DLGAP1: variants seen among roughly 807,000 people sequenced by gnomAD.
The protein encoded by DLGAP1 is disks large-associated protein 1.
Under a neutral mutation model 90.8 loss-of-function variants are expected in DLGAP1, and 11 were observed. The observed-to-expected ratio is 0.12, with a 90% CI of 0.08 to 0.20. The LOEUF (loss-of-function observed/expected upper bound fraction) is 0.20, where lower values mean the gene tolerates loss of function less well. DLGAP1 is among the 10% of genes least tolerant of loss of function. The probability of loss-of-function intolerance (pLI) is 1.00; values close to 1 mark genes in which losing one functional copy is unlikely to be tolerated. For synonymous variants in DLGAP1, 558 were observed against 540.7 expected, an observed-to-expected ratio of 1.03 and a Z score of -0.44; for missense variants, 1,050 against 1,333.8, an observed-to-expected ratio of 0.79 and a Z score of 3.31.
chr18:4,356,318 C>A (rs1362018541), intron 1 of DLGAP1, among the ~76,000 whole-genome samples: 2 of 152,080 alleles, frequency 1.3e-5, no homozygotes, highest in African/African-American at 2.4e-5. Flanking sequence ...TACCTCTAGT[C>A]CAGTCTCTTC....
At chr18:3,839,901 C>T (rs985838707) in intron 4 of DLGAP1, among the ~76,000 whole-genome samples, 4 of 152,256 alleles carry the variant, frequency 2.6e-5, no homozygotes, top group Non-Finnish European at 5.9e-5. Flanking sequence ...ATTCCGCCAT[C>T]TGCTCAGACA....
At chr18:4,177,354 ACAC>A (rs2077126656) in intron 1 of DLGAP1, among the ~76,000 whole-genome samples, 2 of 25,394 alleles carry the variant, frequency 7.9e-5, no homozygotes, top group African/African-American at 6.2e-4. Context: ...TTCTTTGAAC[ACAC>A]ACACACACAC....
intron 2 of DLGAP1, among the ~76,000 whole-genome samples, chr18:4,071,990 A>C (rs1887037079): frequency 6.6e-6 from 1 of 152,190 alleles, no homozygotes; most frequent in South Asian, 2.1e-4. Flanking sequence ...AATATAATGA[A>C]TGTGCTCATA....
At chr18:3,920,917 T>C (rs2072256041) in intron 3 of DLGAP1, among the ~76,000 whole-genome samples, 1 of 152,250 alleles carries the variant, frequency 6.6e-6, no homozygotes, top group Non-Finnish European at 1.5e-5. Flanking sequence ...TGGTAACTGC[T>C]AGAAAGGATT....
chr18:3,966,886 T>C (rs989025405), intron 3 of DLGAP1, among the ~76,000 whole-genome samples: 1 of 151,994 alleles, frequency 6.6e-6, no homozygotes, highest in Non-Finnish European at 1.5e-5. Context: ...TGGGACTAAA[T>C]GAGATCATCT....
At position 3,745,408 on chromosome 18, in the gene DLGAP1, T is replaced by C. The variant is rs574382990; in HGVS notation, c.1173-2896A>G. ...ACGTGAGTCCTCAAAATAATCAGAT[T>C]TCCTTACGGAGTTTAGAGGGTAGAC... On this transcript the variant is annotated intron_variant, in intron 5 of 12. Coordinates refer to ENST00000315677, the MANE Select transcript of DLGAP1 (RefSeq NM_004746.4). Among the ~76,000 whole-genome samples, 6 of 152,216 alleles carry C rather than the reference T, an allele frequency of 3.9e-5. No homozygotes were observed. In the South Asian group the frequency reaches 1.2e-3, roughly 31 times the overall value.
At chr18:3,979,881 A>G (rs1462400653) in intron 3 of DLGAP1, among the ~76,000 whole-genome samples, 1 of 152,174 alleles carries the variant, frequency 6.6e-6, no homozygotes, top group African/African-American at 2.4e-5. Context: ...CACGCCTGTA[A>G]TCCCAGCACT....
intron 1 of DLGAP1, among the ~76,000 whole-genome samples, chr18:4,447,845 T>C (rs1422613050): frequency 6.6e-6 from 1 of 152,210 alleles, no homozygotes; most frequent in Non-Finnish European, 1.5e-5. Context: ...TGTCCCAGTC[T>C]GGTGTTAGAC....
chr18:3,659,009 T>C (rs532451087), intron 7 of DLGAP1, among the ~76,000 whole-genome samples: 6 of 152,328 alleles, frequency 3.9e-5, no homozygotes, highest in Non-Finnish European at 7.4e-5. Flanking sequence ...ATTATCAACA[T>C]TGTTTTAAGA....
intron 4 of DLGAP1, among the ~76,000 whole-genome samples, chr18:3,827,998 A>G (rs953403136): frequency 1.3e-5 from 2 of 152,128 alleles, no homozygotes; most frequent in Non-Finnish European, 2.9e-5. Flanking sequence ...TAGTTTTGAG[A>G]CCCTAAAGTA....
chr18:3,561,266 C>CAAAAAAAAAAAA (rs71159092), intron 9 of DLGAP1, among the ~76,000 whole-genome samples: 29 of 110,328 alleles, frequency 2.6e-4, no homozygotes, highest in South Asian at 5.7e-4. Context: ...AAAAAAAAAA[C>CAAAAAAAAAAAA]AAAAAAAAAA....
intron 6 of DLGAP1, among the ~76,000 whole-genome samples, chr18:3,731,877 C>G (rs2062446007): frequency 6.6e-6 from 1 of 151,982 alleles, no homozygotes; most frequent in South Asian, 2.1e-4. Context: ...TTCTGGACAC[C>G]CTAGAAGCCC....
chr18:3,923,057 C>T (rs553768428), intron 3 of DLGAP1, among the ~76,000 whole-genome samples: 3 of 146,052 alleles, frequency 2.1e-5, no homozygotes, highest in Non-Finnish European at 3.0e-5. Flanking sequence ...TCACTTGAAC[C>T]CAGGAGGCGG....
chr18:4,384,222 C>A (rs2082186168), intron 1 of DLGAP1, among the ~76,000 whole-genome samples: 1 of 152,114 alleles, frequency 6.6e-6, no homozygotes, highest in Admixed American at 6.6e-5. Context: ...ATTTGCAGAG[C>A]TAAATTTTCA....
At chr18:3,772,379 T>TC (rs1568109277) in intron 5 of DLGAP1, among the ~76,000 whole-genome samples, 1 of 15,392 alleles carries the variant, frequency 6.5e-5, no homozygotes, top group African/African-American at 1.0e-4. Context: ...TTTCTTTCTT[T>TC]CTTTCTTTCT....
At chr18:3,769,551 C>T (rs951723964) in intron 5 of DLGAP1, among the ~76,000 whole-genome samples, 1 of 152,182 alleles carries the variant, frequency 6.6e-6, no homozygotes, top group Non-Finnish European at 1.5e-5. Flanking sequence ...GAATACTTCT[C>T]AGCAACAGCC....
At chr18:3,957,701 G>C (rs1407815874) in intron 3 of DLGAP1, among the ~76,000 whole-genome samples, 2 of 150,968 alleles carry the variant, frequency 1.3e-5, no homozygotes, top group Non-Finnish European at 2.9e-5. Context: ...AATCATTGAT[G>C]ATTAAAAGCT....
At chr18:4,167,337 A>C (rs933196267) in intron 1 of DLGAP1, among the ~76,000 whole-genome samples, 5 of 152,176 alleles carry the variant, frequency 3.3e-5, no homozygotes, top group Non-Finnish European at 5.9e-5. Context: ...TGCAAACACT[A>C]ATTAAAAAAT....
At chr18:4,313,988 A>C (rs779406853) in intron 1 of DLGAP1, among the ~76,000 whole-genome samples, 4 of 152,198 alleles carry the variant, frequency 2.6e-5, no homozygotes, top group Non-Finnish European at 5.9e-5. Flanking sequence ...TAAGCACGGG[A>C]GTTTCAGAAG....
Sources: gnomAD v4.1 joint callset for allele counts (sites outside exome capture counted in the v4.1 genomes callset) on GRCh38, gnomAD v4.1.1 for gene constraint, MANE v1.5 for transcripts, NCBI Gene and HGNC (gene_info 2026-07-23, HGNC 2026-07-21) for gene names.